FAM181A: variants seen among roughly 807,000 people sequenced by gnomAD.
FAM181A encodes family with sequence similarity 181 member A, also known as protein FAM181A.
FAM181A carries 7 observed loss-of-function variants against 16.3 expected under a neutral mutation model. The observed-to-expected ratio is 0.43, with a 90% CI of 0.24 to 0.81. The LOEUF is 0.81. Ranked by LOEUF, FAM181A falls within the 30% of genes least tolerant of loss-of-function variation. The pLI, the probability that FAM181A is intolerant of heterozygous loss-of-function variation, is 0.24. For synonymous variants in FAM181A, 183 were observed against 164.9 expected, an observed-to-expected ratio of 1.11 and a Z score of -0.84; for missense variants, 349 against 377.5, an observed-to-expected ratio of 0.92 and a Z score of 0.63.
At chr14:93,923,229 C>T (rs1887789080), upstream of FAM181A, among the ~76,000 whole-genome samples, 1 of 152,226 alleles carries the variant, frequency 6.6e-6, no homozygotes, top group African/African-American at 2.4e-5. Flanking sequence ...TCCGTGTCGG[C>T]CTCCCAAAGT....
In FAM181A at chr14:93,928,745, G is replaced by A; in HGVS notation, c.460G>A (p.Glu154Lys). 6.2e-7 allele frequency: 1 copy of A among 1,613,980 alleles called. No homozygotes were observed. The highest frequency in any genetic ancestry group is 2.2e-5 in the East Asian group (1 of 44,878). Reference protein sequence around the residue: ...RPTHSYHVGLEGGLGPREGPP... With the variant: ...RPTHSYHVGLKGGLGPREGPP... Reference sequence around the variant, plus strand: ...CACCCACAGCTACCATGTGGGGCTGGAGGGGGGACTGGGCCCCAGGGAGGG... The same window carrying A: ...CACCCACAGCTACCATGTGGGGCTGAAGGGGGGACTGGGCCCCAGGGAGGG... The change falls in exon 2 of 2, where the codon GAG becomes AAG. Residue 154 changes from glutamate (E) to lysine (K), a missense_variant. Transcript: ENST00000556222.
chr14:93,919,988 T>C (rs1374595643), intron 1 of FAM181A, among the ~76,000 whole-genome samples: 2 of 151,106 alleles, frequency 1.3e-5, no homozygotes, highest in Non-Finnish European at 2.9e-5. Context: ...GTCAATGATA[T>C]TGAAAACAGA....
Position 93,927,525 on chromosome 14 carries a change from A to AG in FAM181A, c.-88+75dup, listed in dbSNP as rs983122943. The AG allele has an allele frequency of 8.7e-6, 11 of 1,263,908 alleles. No individual in the cohort carries two copies. In the African/African-American group the frequency reaches 1.6e-4, roughly 18 times the overall value. 78.3% of individuals were successfully genotyped at this position (1,263,908 alleles called of 1,614,324 possible). On this transcript the variant is annotated intron_variant, in intron 1 of 1. Coordinates refer to ENST00000556222, the MANE Select transcript of FAM181A (RefSeq NM_001207073.2). ...GTGGGGGCAGGCTGGGGCCTGGGGG[A>AG]GGGGCGAGGTGCCGTGGGTGGCGGC...
chr14:93,927,517 C>G, intron 1 of FAM181A, 63 bp downstream of exon 1: 1 of 1,270,140 alleles, frequency 7.9e-7, no homozygotes, highest in Non-Finnish European at 1.0e-6. Flanking sequence ...CAGGCTGGGG[C>G]CTGGGGGAGG....
In FAM181A at chr14:93,928,697, T is replaced by C. The variant is rs1409176336; in HGVS notation, c.412T>C (p.Ser138Pro). 1 of 1,613,954 alleles carries C rather than the reference T, an allele frequency of 6.2e-7. No homozygotes were observed. Among genetic ancestry groups the C allele is most frequent in the Non-Finnish European group, 8.5e-7 (1 of 1,179,968 alleles). ...CATGAGGAAAAGACAGCTGCCCGCT[T>C]CCTTCTGGGAAGAGCCAAGGCCCAC... ...VPMRKRQLPA[S>P]FWEEPRPTHS... The change falls in exon 2 of 2, where the codon TCC becomes CCC. Residue 138 changes from serine to proline, a missense_variant. Ser to Pro is a moderately conservative substitution (Grantham distance 74). Transcript: ENST00000556222.
chr14:93,922,673 G>A (rs1419430799), upstream of FAM181A, among the ~76,000 whole-genome samples: 1 of 152,222 alleles, frequency 6.6e-6, no homozygotes, highest in Admixed American at 6.5e-5. Flanking sequence ...CTGGGTGACA[G>A]AGCGAGACTC....
chr14:93,927,993 C>T lies in FAM181A; in HGVS notation c.-87-206C>T, dbSNP rs1163822835. Among the ~76,000 whole-genome samples, 3 of 152,120 alleles carry T rather than the reference C, an allele frequency of 2.0e-5. No individual in the cohort carries two copies. The East Asian group carries it at 5.8e-4, about 29-fold the overall frequency. On this transcript the variant is annotated intron_variant, in intron 1 of 1. Transcript: ENST00000556222. ...AGAAGGGGCACCAGACCCAAGCAGG[C>T]TGGGCGAGGCTCTGCTGGTGCCTGC...
Position 93,928,282 on chromosome 14 carries a change from G to T in FAM181A, c.-4G>T. The T allele has an allele frequency of 6.2e-7, 1 of 1,613,822 alleles. No individual in the cohort carries two copies. The highest frequency in any genetic ancestry group is 1.1e-5 in the South Asian group (1 of 91,084). On this transcript the variant is annotated 5_prime_UTR_variant, in exon 2 of 2. Transcript: ENST00000556222. ...GGAAAGCCTCGTGCAGTGGCCCCCT[G>T]GTGATGGCATCCGACAGTGATGTGA...
chr14:93,928,061 C>T, intron 1 of FAM181A, 138 bp from the exon 2 acceptor site: 1 of 1,370,868 alleles, frequency 7.3e-7, no homozygotes, highest in Non-Finnish European at 9.8e-7. Flanking sequence ...CTTGCACCCA[C>T]ATCCCTCTAC....
At chr14:93,928,066 C>T (rs1415347290) in intron 1 of FAM181A, 133 bp from the exon 2 acceptor site, 2 of 1,412,224 alleles carry the variant, frequency 1.4e-6, no homozygotes, top group Non-Finnish European at 9.5e-7. Flanking sequence ...ACCCACATCC[C>T]TCTACCCAGG....
At chr14:93,921,209 A>G (rs1443808452) in intron 1 of FAM181A, among the ~76,000 whole-genome samples, 1 of 152,232 alleles carries the variant, frequency 6.6e-6, no homozygotes, top group African/African-American at 2.4e-5. Context: ...AGGTAGGGGC[A>G]GAGTTCAAAG....
upstream of FAM181A, chr14:93,925,233 G>A (rs778107024): frequency 6.2e-7 from 1 of 1,600,998 alleles, no homozygotes; most frequent in Non-Finnish European, 8.5e-7. Context: ...GGATCTCAAG[G>A]AAGCTGGGAG....
upstream of FAM181A, chr14:93,924,941 G>C (rs1731044584): frequency 2.9e-6 from 1 of 346,390 alleles, no homozygotes; most frequent in African/African-American, 2.2e-5. Flanking sequence ...GTGGAATACG[G>C]CTCTTGGCAC....
intron 1 of FAM181A, 131 bp downstream of exon 1, chr14:93,927,585 G>A (rs368440704): frequency 1.3e-5 from 17 of 1,286,984 alleles, no homozygotes; most frequent in Non-Finnish European, 1.7e-5. Context: ...ATGCTTCTTC[G>A]GGGGAATCCC....
At chr14:93,923,219 T>G (rs1294667084), upstream of FAM181A, among the ~76,000 whole-genome samples, 1 of 152,154 alleles carries the variant, frequency 6.6e-6, no homozygotes, top group Non-Finnish European at 1.5e-5. Flanking sequence ...AGGTGATCCA[T>G]CCGTGTCGGC....
In FAM181A at chr14:93,927,450, C is replaced by T; in HGVS notation, c.-92C>T. 1.6e-6 allele frequency: 2 copies of T among 1,229,390 alleles called. No individual in the cohort carries two copies. The highest frequency in any genetic ancestry group is 2.1e-6 in the Non-Finnish European group (2 of 954,056). 76.2% of individuals were successfully genotyped at this position (1,229,390 alleles called of 1,614,324 possible). A position where few individuals can be genotyped will look rare whatever the true frequency, so the allele number is the denominator to read the frequency against. On this transcript the variant is annotated 5_prime_UTR_variant, in exon 1 of 2. Coordinates refer to ENST00000556222, the MANE Select transcript of FAM181A (RefSeq NM_001207073.2). The stretch of plus-strand genomic sequence containing the variant: ...CACGTTGGTGGGGCCTGGGCCGCAC[C>T]TTCGGTCAGTGTGGAGGCCCGGTGG...
At chr14:93,920,599 T>C (rs1427365638) in intron 1 of FAM181A, among the ~76,000 whole-genome samples, 1 of 152,220 alleles carries the variant, frequency 6.6e-6, no homozygotes, top group East Asian at 1.9e-4. Flanking sequence ...ATCATATAAA[T>C]TGATGCAAAA....
rs764202634 is a variant in FAM181A, at chr14:93,929,137, C to T, written c.852C>T (p.Pro284=). ...PIPTKPAVPP[P]IFNVFGYL ...CCACCAAGCCAGCCGTGCCCCCACC[C>T]ATCTTCAATGTCTTTGGCTACCTCT... Residue 284 remains proline, a synonymous_variant, in exon 2 of 2, where the codon CCC becomes CCT. Coordinates refer to ENST00000556222, the MANE Select transcript of FAM181A (RefSeq NM_001207073.2). 11 of 1,520,976 alleles carry T rather than the reference C, an allele frequency of 7.2e-6. No individual in the cohort carries two copies. The highest frequency in any genetic ancestry group is 1.8e-4 in the Middle Eastern group (1 of 5,606). 94.2% of individuals were successfully genotyped at this position (1,520,976 alleles called of 1,614,324 possible). A position where few individuals can be genotyped will look rare whatever the true frequency, so the allele number is the denominator to read the frequency against.
chr14:93,920,227 A>G (rs1887672703), intron 1 of FAM181A, among the ~76,000 whole-genome samples: 1 of 152,082 alleles, frequency 6.6e-6, no homozygotes, highest in Non-Finnish European at 1.5e-5. Context: ...CAGCCTGGGA[A>G]AAACAGTAAG....
Sources: gnomAD v4.1 joint callset for allele counts (sites outside exome capture counted in the v4.1 genomes callset) on GRCh38, gnomAD v4.1.1 for gene constraint, MANE v1.5 for transcripts, NCBI Gene and HGNC (gene_info 2026-07-23, HGNC 2026-07-21) for gene names.